Variants in TRIM37 observed in about 807,000 individuals in gnomAD.
TRIM37 encodes the protein tripartite motif containing 37, also known as E3 ubiquitin-protein ligase TRIM37.
In TRIM37, 80 loss-of-function variants were observed where a neutral mutation model predicts 129.8. The observed-to-expected ratio is 0.62, with a 90% CI of 0.51 to 0.74. The LOEUF (loss-of-function observed/expected upper bound fraction) is 0.74. Ranked by LOEUF, TRIM37 falls within the 30% of genes least tolerant of loss-of-function variation. The probability of loss-of-function intolerance (pLI) is 0.00; values close to 1 mark genes in which losing one functional copy is unlikely to be tolerated. For synonymous variants in TRIM37, 389 were observed against 387.1 expected (o/e 1.00, Z -0.06); for missense variants, 1,054 against 1,176.5 (o/e 0.90, Z 1.52).
rs144520388 is a variant in TRIM37 at position 59,085,787 on chromosome 17, G to A, written c.282-1698C>T. ...TTCACTACAGCCAAAAGGTGGAAGC[G>A]ACACCAATTTTCACTGAGAGATGAA... is the stretch of plus-strand genomic sequence containing the variant. On this transcript the variant is annotated intron_variant, in intron 4 of 23. Coordinates refer to ENST00000262294, the MANE Select transcript of TRIM37 (RefSeq NM_015294.6). Among the ~76,000 whole-genome samples the A allele has an allele frequency of 4.5e-3, 692 of 152,162 alleles. 4 individuals are homozygous for A. Among genetic ancestry groups the A allele is most frequent in the Non-Finnish European group, 5.7e-3 (391 of 68,004 alleles).
Position 58,999,332 on chromosome 17 carries a change from T to G in TRIM37, c.*45A>C, listed in dbSNP as rs759344035. The G allele has an allele frequency of 3.1e-6, 5 of 1,613,410 alleles. No individual in the cohort carries two copies. The highest frequency in any genetic ancestry group is 4.2e-6 in the Non-Finnish European group (5 of 1,179,664). ...AATTTGAGCACCAACTACAGCAAAA[T>G]TCAGGGTCAAGGTAGCTTGCAAGTC... On this transcript the variant is annotated 3_prime_UTR_variant, in exon 24 of 24. Coordinates refer to ENST00000262294, the MANE Select transcript of TRIM37 (RefSeq NM_015294.6).
intron 16 of TRIM37, among the ~76,000 whole-genome samples, chr17:59,046,907 C>A (rs1222235197): frequency 6.6e-6 from 1 of 150,582 alleles, no homozygotes; most frequent in African/African-American, 2.4e-5. Flanking sequence ...GTAATCCCAA[C>A]ACTTTGGGAG....
chr17:59,082,035 T>C (rs959033234), intron 5 of TRIM37, among the ~76,000 whole-genome samples: 5 of 150,376 alleles, frequency 3.3e-5, no homozygotes, highest in Non-Finnish European at 5.9e-5. Flanking sequence ...TGTGGGAGGC[T>C]GAGGCGGGTG....
At chr17:58,977,807 A>T (rs1386480918), downstream of TRIM37, among the ~76,000 whole-genome samples, 2 of 152,152 alleles carry the variant, frequency 1.3e-5, no homozygotes, top group Admixed American at 1.3e-4. Flanking sequence ...CAGTGGCGCA[A>T]TCTGGGCTCA....
In TRIM37 at chr17:59,085,668, C is replaced by A. The variant is rs531838045; in HGVS notation, c.282-1579G>T. Among the ~76,000 whole-genome samples, 9 of 152,170 alleles carry A rather than the reference C, an allele frequency of 5.9e-5. No homozygotes were observed. In the South Asian group the frequency reaches 1.9e-3, roughly 32 times the overall value. On this transcript the variant is annotated intron_variant, in intron 4 of 23. Coordinates refer to ENST00000262294, the MANE Select transcript of TRIM37 (RefSeq NM_015294.6). ...AAACTTAAATTAAAAATAGAATTAC[C>A]ACATGATCTAGCAATTCTACTTCTG...
intron 24 of TRIM37, among the ~76,000 whole-genome samples, chr17:58,989,433 C>CA (rs1384396861): frequency 6.6e-6 from 1 of 150,644 alleles, no homozygotes; most frequent in Non-Finnish European, 1.5e-5. Flanking sequence ...GAGACTCTCT[C>CA]AAAAAAATAA....
chr17:58,999,744 G>C (rs2033440335), intron 23 of TRIM37, among the ~76,000 whole-genome samples: 1 of 152,166 alleles, frequency 6.6e-6, no homozygotes, highest in Non-Finnish European at 1.5e-5. Context: ...ACAATCTGGG[G>C]ACAGCTTAAA....
the TRIM37 span, among the ~76,000 whole-genome samples, chr17:58,968,659 C>T: frequency 2.0e-5 from 3 of 152,138 alleles, no homozygotes; most frequent in African/African-American, 7.2e-5. Flanking sequence ...GAAGGGAGCT[C>T]AGGACTCAGT....
chr17:59,085,531 C>CA (rs2043677506), intron 4 of TRIM37, among the ~76,000 whole-genome samples: 1 of 151,994 alleles, frequency 6.6e-6, no homozygotes, highest in Admixed American at 6.6e-5. Context: ...ATCAAAAAAA[C>CA]AAAAAAGAGC....
Position 59,106,854 on chromosome 17 carries a change from T to C in TRIM37, c.-393A>G, listed in dbSNP as rs746947433. ...AAACACCAACCGTAACCAGAGCAGCTGGGGGCGCGGCGGCGAGAGAAGCTG... is the reference window on the plus strand; with the variant it reads ...AAACACCAACCGTAACCAGAGCAGCCGGGGGCGCGGCGGCGAGAGAAGCTG... On this transcript the variant is annotated 5_prime_UTR_variant, in exon 1 of 24. Transcript: ENST00000262294. The C allele has an allele frequency of 1.4e-5, 5 of 344,938 alleles. No homozygotes were observed. The highest frequency in any genetic ancestry group is 2.7e-5 in the Non-Finnish European group (5 of 187,164). 21.4% of individuals were successfully genotyped at this position (344,938 alleles called of 1,614,324 possible). A position where few individuals can be genotyped will look rare whatever the true frequency, so the allele number is the denominator to read the frequency against.
Position 59,044,421 on chromosome 17 carries a change from G to A in TRIM37, c.1668-2523C>T, listed in dbSNP as rs146549692. ...ACTAAAACTACAAAAAATTAGTCGGGCGTAGTGGCAGGCGTGTATAATCCC... is the reference window on the plus strand; with the variant it reads ...ACTAAAACTACAAAAAATTAGTCGGACGTAGTGGCAGGCGTGTATAATCCC... On this transcript the variant is annotated intron_variant, in intron 16 of 23. Transcript: ENST00000262294. 2.5e-3 allele frequency among the ~76,000 whole-genome samples: 382 copies of A among 152,206 alleles called. 4 individuals carry two copies. The highest frequency in any genetic ancestry group is 8.8e-3 in the African/African-American group (366 of 41,538).
intron 18 of TRIM37, among the ~76,000 whole-genome samples, chr17:59,030,283 T>G (rs942406164): frequency 6.6e-6 from 1 of 152,192 alleles, no homozygotes; most frequent in Non-Finnish European, 1.5e-5. Flanking sequence ...TTTTTTGTAT[T>G]TTTAGTAGAG....
chr17:58,993,948 C>T (rs573846503), downstream of TRIM37, among the ~76,000 whole-genome samples: 2 of 152,136 alleles, frequency 1.3e-5, no homozygotes, highest in Non-Finnish European at 2.9e-5. Context: ...TGACACAATA[C>T]TGAAAAGCTA....
At chr17:59,084,585 T>C (rs1458219723) in intron 4 of TRIM37, among the ~76,000 whole-genome samples, 1 of 152,206 alleles carries the variant, frequency 6.6e-6, no homozygotes, top group Non-Finnish European at 1.5e-5. Flanking sequence ...TTAAACTGGA[T>C]ATTCACATGA....
chr17:59,088,177 G>C, intron 4 of TRIM37, 114 bp downstream of exon 4: 2 of 706,408 alleles, frequency 2.8e-6, no homozygotes, highest in Non-Finnish European at 5.1e-6. Context: ...TTAAAAACAA[G>C]AAATATAACA....
In TRIM37 at chr17:59,015,664, G is replaced by A. The variant is rs1189785686; in HGVS notation, c.2522C>T (p.Ala841Val). The A allele has an allele frequency of 6.2e-7, 1 of 1,613,992 alleles. No homozygotes were observed. The highest frequency in any genetic ancestry group is 2.2e-5 in the East Asian group (1 of 44,888). The change falls in exon 21 of 24, where the codon GCA becomes GTA. Residue 841 changes from alanine to valine, a missense_variant. Around this residue, in one of 3 missense-constraint regions of TRIM37, gnomAD observed 287 missense variants for 274.3 expected, o/e 1.05. Transcript: ENST00000262294. ...AACCGCAGGCAAGCCACTGAAAACT[G>A]CAACCACAACAGCATCTGAATCCAA... ...KALDSDAVVV[A>V]VFSGLPAVEK...
intron 12 of TRIM37, among the ~76,000 whole-genome samples, chr17:59,058,130 G>A (rs1008435440): frequency 6.6e-6 from 1 of 152,070 alleles, no homozygotes; most frequent in Non-Finnish European, 1.5e-5. Flanking sequence ...TGATAAGAAA[G>A]CAAATTATTG....
At chr17:59,078,742 C>A (rs1485050638) in intron 7 of TRIM37, among the ~76,000 whole-genome samples, 1 of 152,024 alleles carries the variant, frequency 6.6e-6, no homozygotes, top group East Asian at 1.9e-4. Context: ...GCATTGTGAC[C>A]AGTACAATCA....
downstream of TRIM37, chr17:58,980,843 C>G (rs2031314516): frequency 3.1e-6 from 5 of 1,614,002 alleles, no homozygotes; most frequent in African/African-American, 5.3e-5. This position sits in a 1 kb window ranked among gnomAD's most constrained non-coding sequence, Gnocchi z 4.7. Context: ...TCTCTCTGCT[C>G]AAGAGCCTTC....
Sources: allele counts gnomAD v4.1 joint callset (sites outside exome capture counted in the v4.1 genomes callset), GRCh38; gene constraint gnomAD v4.1.1; regional missense constraint gnomAD v4.1.1; non-coding constraint Gnocchi (gnomAD v3.1); transcripts MANE v1.5; gene names NCBI Gene and HGNC (gene_info 2026-07-23, HGNC 2026-07-21).